The following CMTM4 variants were observed in gnomAD, a reference collection of about 807,000 sequenced individuals.
The protein encoded by CMTM4 is CKLF-like MARVEL transmembrane domain-containing protein 4.
CMTM4 carries 8 observed loss-of-function variants against 19.0 expected under a neutral mutation model. The observed-to-expected ratio is 0.42, with a 90% confidence interval of 0.25 to 0.76. The LOEUF is 0.76. Among genes scored for constraint, CMTM4 ranks in the 30% least tolerant of loss-of-function variants. The pLI, the probability that CMTM4 is intolerant of heterozygous loss-of-function variation, is 0.27. For missense variants in CMTM4, 228 were observed against 290.2 expected (o/e 0.79, Z 1.56); for synonymous variants, 106 against 121.1 (o/e 0.88, Z 0.82).
chr16:66,662,955 G>C (rs1268324587), intron 1 of CMTM4, among the ~76,000 whole-genome samples: 1 of 152,178 alleles, frequency 6.6e-6, no homozygotes, highest in Non-Finnish European at 1.5e-5. Context: ...AAGACGTTGA[G>C]AATGAACTAT....
intron 2 of CMTM4, among the ~76,000 whole-genome samples, chr16:66,636,196 T>C (rs1419722255): frequency 6.6e-6 from 1 of 152,248 alleles, no homozygotes. Context: ...ATAATTGTTA[T>C]GATGTTTCTC....
At chr16:66,645,013 G>C (rs1278722803) in intron 1 of CMTM4, among the ~76,000 whole-genome samples, 2 of 152,252 alleles carry the variant, frequency 1.3e-5, no homozygotes, top group Admixed American at 1.3e-4. Context: ...GCCGGGCACG[G>C]TGGCTCATGC....
intron 1 of CMTM4, among the ~76,000 whole-genome samples, chr16:66,643,330 T>G (rs745612792): frequency 6.6e-6 from 1 of 152,158 alleles, no homozygotes; most frequent in Admixed American, 6.6e-5. Flanking sequence ...GCACTCCCAG[T>G]GGAGGAATGG....
chr16:66,609,916 A>T, downstream of CMTM4: 2 of 1,614,108 alleles, frequency 1.2e-6, no homozygotes, highest in Non-Finnish European at 1.7e-6. The surrounding 1 kb of genome is among the most constrained non-coding windows in gnomAD (Gnocchi z 4.4). Flanking sequence ...CGTGTTTGCA[A>T]CTGATTTCTA....
chr16:66,688,416 G>A (rs2017075058), intron 1 of CMTM4, among the ~76,000 whole-genome samples: 1 of 152,086 alleles, frequency 6.6e-6, no homozygotes, highest in Non-Finnish European at 1.5e-5. Flanking sequence ...ATCCCCAAGT[G>A]AGAGACCTGC....
intron 1 of CMTM4, among the ~76,000 whole-genome samples, chr16:66,647,814 G>A (rs1220802356): frequency 1.3e-5 from 2 of 152,052 alleles, no homozygotes; most frequent in Non-Finnish European, 2.9e-5. Flanking sequence ...GGGATTACAG[G>A]TGCACGCCAC....
chr16:66,688,192 G>C lies in CMTM4; in HGVS notation c.186+8148C>G, dbSNP rs2017070901. Among the ~76,000 whole-genome samples, 5 of 152,140 alleles carry C rather than the reference G, an allele frequency of 3.3e-5. No individual in the cohort carries two copies. In the South Asian group the frequency reaches 1.0e-3, roughly 32 times the overall value. On this transcript the variant is annotated intron_variant, in intron 1 of 3. Transcript: ENST00000394106. ...GGCACTAATCCCATTCATGAGGGCT[G>C]AGCCCTCATGACTTAATTACTTCCC...
the CMTM4 span, among the ~76,000 whole-genome samples, chr16:66,607,883 C>T: frequency 2.0e-5 from 3 of 151,458 alleles, no homozygotes; most frequent in African/African-American, 4.9e-5. Context: ...CTCTCTCTCT[C>T]ACCCAGGATG....
At chr16:66,659,180 G>A (rs2016456386) in intron 1 of CMTM4, among the ~76,000 whole-genome samples, 1 of 152,058 alleles carries the variant, frequency 6.6e-6, no homozygotes, top group South Asian at 2.1e-4. Context: ...AGGAGTTTGA[G>A]ACCAGCCTGG....
At chr16:66,638,149 G>T (rs553002049) in intron 1 of CMTM4, among the ~76,000 whole-genome samples, 105 of 152,216 alleles carry the variant, frequency 6.9e-4, no homozygotes, top group African/African-American at 2.4e-3. Context: ...AGGAAAGCTG[G>T]TTCATCTGTG....
At chr16:66,635,935 C>A (rs1286552102) in intron 2 of CMTM4, among the ~76,000 whole-genome samples, 2 of 152,090 alleles carry the variant, frequency 1.3e-5, no homozygotes, top group African/African-American at 4.8e-5. Context: ...CTGATCAAAC[C>A]ACCAAACCCC....
chr16:66,668,915 T>A (rs777381467), intron 1 of CMTM4, among the ~76,000 whole-genome samples: 1 of 152,220 alleles, frequency 6.6e-6, no homozygotes, highest in African/African-American at 2.4e-5. Context: ...ATAGCTACGC[T>A]GGAAAACTGC....
intron 1 of CMTM4, among the ~76,000 whole-genome samples, chr16:66,676,920 T>C (rs1435188446): frequency 2.6e-5 from 4 of 152,118 alleles, no homozygotes; most frequent in Non-Finnish European, 5.9e-5. Flanking sequence ...TAATGTAAAA[T>C]AGTGCTTCAT....
Position 66,696,360 on chromosome 16 carries a change from G to A in CMTM4, c.166C>T (p.Arg56Cys). The change falls in exon 1 of 4, where the codon CGC becomes TGC. Residue 56 changes from arginine (R) to cysteine (C), a missense_variant. By Grantham distance (180) the Arg-to-Cys change is radical. This residue lies in a region of CMTM4 where 200 missense variants were observed against 226.6 expected (regional missense o/e 0.88). Coordinates refer to ENST00000394106, the MANE Select transcript of CMTM4 (RefSeq NM_181521.3). This position sits in a 1 kb window ranked among gnomAD's most constrained non-coding sequence, Gnocchi z 4.3. ...DPDYLRGALG[R>C]LKVAQVILAL... ...CCTACCACTTGGGCGACCTTGAGGC[G>A]GCCGAGCGCGCCGCGCAGGTAGTCG... The A allele has an allele frequency of 7.0e-7, 1 of 1,420,496 alleles. No homozygotes were observed. Among genetic ancestry groups the A allele is most frequent in the Non-Finnish European group, 9.2e-7 (1 of 1,089,184 alleles). 88.0% of individuals were successfully genotyped at this position (1,420,496 alleles called of 1,614,324 possible).
rs1000476916 is a variant in CMTM4 at position 66,619,178 on chromosome 16, T to A, written c.*2880A>T. ...TTAAGGCAGGGAAAACATATTTCCCTCCCATGCCTTCAGCAGTGTGAAAGA... is the reference window on the plus strand; with the variant it reads ...TTAAGGCAGGGAAAACATATTTCCCACCCATGCCTTCAGCAGTGTGAAAGA... On this transcript the variant is annotated 3_prime_UTR_variant, in exon 4 of 4. Coordinates refer to ENST00000394106, the MANE Select transcript of CMTM4 (RefSeq NM_181521.3). 2.0e-6 allele frequency: 2 copies of A among 985,280 alleles called. No individual in the cohort carries two copies. Among genetic ancestry groups the A allele is most frequent in the African/African-American group, 3.5e-5 (2 of 57,214 alleles). 61.0% of individuals were successfully genotyped at this position (985,280 alleles called of 1,614,324 possible).
chr16:66,666,384 C>A (rs1326941176), intron 1 of CMTM4, among the ~76,000 whole-genome samples: 1 of 151,844 alleles, frequency 6.6e-6, no homozygotes, highest in Non-Finnish European at 1.5e-5. Flanking sequence ...ACCCAGGAGG[C>A]AGAGCTGGCA....
downstream of CMTM4, chr16:66,613,833 G>A (rs1000830569): frequency 2.0e-5 from 3 of 152,190 alleles, no homozygotes; most frequent in African/African-American, 7.2e-5. Context: ...TAACACCAAT[G>A]TGGATCCTGA....
At chr16:66,664,949 C>T (rs2016565342) in intron 1 of CMTM4, among the ~76,000 whole-genome samples, 1 of 151,078 alleles carries the variant, frequency 6.6e-6, no homozygotes, top group Admixed American at 6.6e-5. Flanking sequence ...GGTGACAGAG[C>T]AAAACCCTGT....
chr16:66,604,714 G>T, the CMTM4 span: 3 of 1,018,674 alleles, frequency 2.9e-6, no homozygotes, highest in Non-Finnish European at 3.7e-6. Flanking sequence ...AGTGTCGCCT[G>T]CCCTCCTTCC....
Sources: gnomAD v4.1 joint callset for allele counts (sites outside exome capture counted in the v4.1 genomes callset) on GRCh38, gnomAD v4.1.1 for gene constraint, gnomAD v4.1.1 regional missense constraint, Gnocchi (gnomAD v3.1) non-coding constraint, MANE v1.5 for transcripts, NCBI Gene and HGNC (gene_info 2026-07-23, HGNC 2026-07-21) for gene names.